PPP3CA: variants seen among roughly 807,000 people sequenced by gnomAD.
PPP3CA encodes the protein CAM-PRP catalytic subunit.
In PPP3CA, 14 loss-of-function variants were observed where a neutral mutation model predicts 66.5. The observed-to-expected ratio is 0.21, with a 90% CI of 0.14 to 0.33. The LOEUF is 0.33. Ranked by LOEUF, PPP3CA falls within the 10% of genes least tolerant of loss-of-function variation. The pLI is 1.00. For missense variants in PPP3CA, 317 were observed against 639.5 expected, an observed-to-expected ratio of 0.50 and a Z score of 5.44; for synonymous variants, 232 against 226.2, an observed-to-expected ratio of 1.03 and a Z score of -0.23.
intron 2 of PPP3CA, among the ~76,000 whole-genome samples, chr4:101,144,285 A>G (rs1722897634): frequency 6.6e-6 from 1 of 152,234 alleles, no homozygotes; most frequent in African/African-American, 2.4e-5. Flanking sequence ...GAATATACGT[A>G]TATACTAAAA....
chr4:101,263,135 AATCTT>A (rs1359966600), intron 1 of PPP3CA, among the ~76,000 whole-genome samples: 1 of 152,194 alleles, frequency 6.6e-6, no homozygotes, highest in Non-Finnish European at 1.5e-5. Context: ...TTTAGCTTTC[AATCTT>A]ATCAAGAAAA....
chr4:101,317,346 A>G (rs1728914659), intron 1 of PPP3CA, among the ~76,000 whole-genome samples: 1 of 151,962 alleles, frequency 6.6e-6, no homozygotes, highest in Non-Finnish European at 1.5e-5. Flanking sequence ...TAATAATTCA[A>G]TCTATTCATA....
chr4:101,075,122 A>G (rs1729128072), intron 8 of PPP3CA, among the ~76,000 whole-genome samples: 1 of 152,182 alleles, frequency 6.6e-6, no homozygotes, highest in East Asian at 1.9e-4. Flanking sequence ...CCATGATTCA[A>G]TTATCTCCAC....
At chr4:101,265,583 A>ATGAATAAATACAAACAGTGAG (rs1391385332) in intron 1 of PPP3CA, among the ~76,000 whole-genome samples, 1 of 152,238 alleles carries the variant, frequency 6.6e-6, no homozygotes, top group African/African-American at 2.4e-5. Context: ...ACTTGGAAAC[A>ATGAATAAATACAAACAGTGAG]TGAATAAATA....
chr4:101,075,960 G>A (rs931834544), intron 8 of PPP3CA, among the ~76,000 whole-genome samples: 4 of 152,084 alleles, frequency 2.6e-5, no homozygotes, highest in Non-Finnish European at 4.4e-5. Context: ...CATGGAGCTT[G>A]GTATATAGTA....
chr4:101,205,696 A>G (rs183246676), intron 1 of PPP3CA, among the ~76,000 whole-genome samples: 26 of 152,302 alleles, frequency 1.7e-4, no homozygotes, highest in Admixed American at 3.3e-4. Context: ...TAAAACACCT[A>G]TAGGCATCAA....
At chr4:101,273,471 T>C (rs1318521269) in intron 1 of PPP3CA, among the ~76,000 whole-genome samples, 1 of 152,070 alleles carries the variant, frequency 6.6e-6, no homozygotes, top group East Asian at 1.9e-4. Context: ...GGACTACAAG[T>C]GCATGCCACC....
intron 2 of PPP3CA, among the ~76,000 whole-genome samples, chr4:101,126,191 A>G (rs1333208998): frequency 1.3e-5 from 2 of 152,182 alleles, no homozygotes; most frequent in South Asian, 2.1e-4. Context: ...CTCTTCTCCT[A>G]CTGTAGTATC....
intron 1 of PPP3CA, among the ~76,000 whole-genome samples, chr4:101,265,063 A>ATAT (rs1727128363): frequency 6.6e-6 from 1 of 152,202 alleles, no homozygotes; most frequent in Non-Finnish European, 1.5e-5. Flanking sequence ...CTATATCCAT[A>ATAT]AGAATTTGGC....
At chr4:101,151,557 T>TAA (rs1270196116) in intron 2 of PPP3CA, among the ~76,000 whole-genome samples, 1 of 114,034 alleles carries the variant, frequency 8.8e-6, no homozygotes, top group Non-Finnish European at 1.7e-5. Context: ...AGACTCTGTA[T>TAA]CAAAAAAAAA....
rs1305106448 is a variant in PPP3CA at position 101,327,148 on chromosome 4, TA to T, written c.58+19590del. On this transcript the variant is annotated intron_variant, in intron 1 of 13. Coordinates refer to ENST00000394854, the MANE Select transcript of PPP3CA (RefSeq NM_000944.5). ...TAAGAGTGAAAGGGAAATAATTATT[TA>T]AAATAGTGAATGTACAGAAAATAAT... 2.6e-5 allele frequency among the ~76,000 whole-genome samples: 4 copies of T among 152,226 alleles called. No individual in the cohort carries two copies. The East Asian group carries it at 7.7e-4, about 29-fold the overall frequency.
chr4:101,280,286 G>C (rs1427120651), intron 1 of PPP3CA, among the ~76,000 whole-genome samples: 1 of 152,140 alleles, frequency 6.6e-6, no homozygotes, highest in African/African-American at 2.4e-5. Context: ...AGCCATGTGG[G>C]TATCTGGGAG....
intron 1 of PPP3CA, among the ~76,000 whole-genome samples, chr4:101,304,210 AC>A (rs1728467471): frequency 1.3e-5 from 2 of 152,180 alleles, no homozygotes; most frequent in African/African-American, 4.8e-5. Flanking sequence ...TTTTCCTAAT[AC>A]TTTTTATTTA....
intron 2 of PPP3CA, among the ~76,000 whole-genome samples, chr4:101,162,846 G>T (rs1723563763): frequency 6.6e-6 from 1 of 152,120 alleles, no homozygotes; most frequent in African/African-American, 2.4e-5. Flanking sequence ...CCATGCCTTT[G>T]AGAAACCTTA....
chr4:101,293,340 G>A (rs1728091712), intron 1 of PPP3CA, among the ~76,000 whole-genome samples: 1 of 152,116 alleles, frequency 6.6e-6, no homozygotes, highest in Non-Finnish European at 1.5e-5. Context: ...GCCACTGACT[G>A]CCTAGTGGCC....
chr4:101,304,333 T>C (rs1167630319), intron 1 of PPP3CA, among the ~76,000 whole-genome samples: 1 of 152,200 alleles, frequency 6.6e-6, no homozygotes, highest in Non-Finnish European at 1.5e-5. Flanking sequence ...GCTTTTCCTA[T>C]TTAATGGAAA....
intron 11 of PPP3CA, 96 bp downstream of exon 11, chr4:101,040,386 A>G: frequency 3.7e-6 from 3 of 806,046 alleles, no homozygotes. Flanking sequence ...AATATTCTCT[A>G]GTAAAATATT....
chr4:101,243,423 A>G (rs189565414), intron 1 of PPP3CA, among the ~76,000 whole-genome samples: 58 of 152,282 alleles, frequency 3.8e-4, no homozygotes, highest in Admixed American at 1.2e-3. Flanking sequence ...TTGACTCTCC[A>G]TATCTCTGGG....
chr4:101,077,190 T>C (rs1312633164), intron 8 of PPP3CA, among the ~76,000 whole-genome samples: 4 of 152,220 alleles, frequency 2.6e-5, no homozygotes, highest in African/African-American at 7.2e-5. Context: ...TAATAAGAAA[T>C]ACTGGGCATT....
Sources: gnomAD v4.1 joint callset for allele counts (sites outside exome capture counted in the v4.1 genomes callset) on GRCh38, gnomAD v4.1.1 for gene constraint, MANE v1.5 for transcripts, NCBI Gene and HGNC (gene_info 2026-07-23, HGNC 2026-07-21) for gene names.